Variants in WDR70 observed in about 807,000 individuals in gnomAD.
The protein encoded by WDR70 is WD repeat-containing protein 70.
Under a neutral mutation model 88.6 loss-of-function variants are expected in WDR70, and 53 were observed. The observed-to-expected ratio is 0.60, with a 90% CI of 0.48 to 0.75. The LOEUF (loss-of-function observed/expected upper bound fraction) is 0.75, where lower values mean the gene tolerates loss of function less well. Ranked by LOEUF, WDR70 falls within the 30% of genes least tolerant of loss-of-function variation. WDR70 has a pLI of 0.00. For synonymous variants in WDR70, 280 were observed against 270.0 expected (o/e 1.04, Z -0.36); for missense variants, 610 against 823.2 (o/e 0.74, Z 3.17).
chr5:37,626,573 G>A (rs114007643), intron 10 of WDR70, among the ~76,000 whole-genome samples: 3,530 of 152,172 alleles, frequency 0.023, 55 homozygotes, highest in Non-Finnish European at 0.037. Flanking sequence ...GTAGTTTTCC[G>A]CTTGTTGTCG....
At chr5:37,661,505 T>G (rs983691032) in intron 10 of WDR70, among the ~76,000 whole-genome samples, 1 of 152,196 alleles carries the variant, frequency 6.6e-6, no homozygotes, top group Non-Finnish European at 1.5e-5. Context: ...GGAATTGCAA[T>G]GGAGAAAGAG....
In WDR70 at chr5:37,499,140, G is replaced by A. The variant is rs1375891402; in HGVS notation, c.841-17374G>A. 4.7e-5 allele frequency among the ~76,000 whole-genome samples: 7 copies of A among 149,576 alleles called. No individual in the cohort carries two copies. In the East Asian group the frequency reaches 1.4e-3, roughly 29 times the overall value. ...ATTCTTTTTTTTTTTTTGAGATGAA[G>A]TCTTGCTGTCTCACCCAGGCTGGAG... is the stretch of plus-strand genomic sequence containing the variant. On this transcript the variant is annotated intron_variant, in intron 8 of 17. Transcript: ENST00000265107.
intron 10 of WDR70, among the ~76,000 whole-genome samples, chr5:37,645,045 C>A (rs1195705372): frequency 6.6e-6 from 1 of 151,468 alleles, no homozygotes; most frequent in African/African-American, 2.4e-5. Flanking sequence ...TCTTGCTTTT[C>A]TTGTTCTTTA....
intron 10 of WDR70, among the ~76,000 whole-genome samples, chr5:37,662,130 A>G (rs997769226): frequency 2.6e-5 from 4 of 152,212 alleles, no homozygotes; most frequent in Non-Finnish European, 5.9e-5. Flanking sequence ...TTTCACTGCC[A>G]TAATTTCCTC....
chr5:37,729,069 T>A (rs1748066817), intron 17 of WDR70, among the ~76,000 whole-genome samples: 1 of 152,200 alleles, frequency 6.6e-6, no homozygotes, highest in South Asian at 2.1e-4. Flanking sequence ...CTTTGGCCAA[T>A]AGAAGCTGGA....
Position 37,445,956 on chromosome 5 carries a change from A to C in WDR70, c.686+2584A>C, listed in dbSNP as rs1738461740. Among the ~76,000 whole-genome samples the C allele has an allele frequency of 3.9e-5, 6 of 152,330 alleles. No individual in the cohort carries two copies. The South Asian group carries it at 1.2e-3, about 32-fold the overall frequency. On this transcript the variant is annotated intron_variant, in intron 7 of 17. Transcript: ENST00000265107. ...TCTGGCCAGGCAATCAGGCAGGAGAAAGAAATAAAGGGTATTCAGTTAGAA... is the reference window on the plus strand; with the variant it reads ...TCTGGCCAGGCAATCAGGCAGGAGACAGAAATAAAGGGTATTCAGTTAGAA...
chr5:37,470,944 G>A (rs1739308923), intron 7 of WDR70, among the ~76,000 whole-genome samples: 1 of 151,262 alleles, frequency 6.6e-6, no homozygotes, highest in Admixed American at 6.6e-5. Flanking sequence ...CTGGAGTGCA[G>A]TGGCACAATC....
chr5:37,693,229 G>C (rs943729210), intron 10 of WDR70, among the ~76,000 whole-genome samples: 10 of 152,064 alleles, frequency 6.6e-5, no homozygotes, highest in African/African-American at 2.2e-4. Flanking sequence ...ACAAATAGAA[G>C]AACATTCCAT....
chr5:37,560,916 GTCC>G (rs1561902050), intron 9 of WDR70, among the ~76,000 whole-genome samples: 2 of 148,794 alleles, frequency 1.3e-5, no homozygotes, highest in Non-Finnish European at 3.0e-5. Context: ...GGTTCAAGCT[GTCC>G]TCCTTCTCCA....
intron 10 of WDR70, among the ~76,000 whole-genome samples, chr5:37,658,832 C>T (rs1046397482): frequency 5.3e-5 from 8 of 152,184 alleles, no homozygotes; most frequent in Non-Finnish European, 8.8e-5. Flanking sequence ...AACCATTTGC[C>T]AGTTGTGGTT....
chr5:37,382,563 C>A (rs1561830850), intron 3 of WDR70, among the ~76,000 whole-genome samples: 3 of 151,982 alleles, frequency 2.0e-5, no homozygotes, highest in Non-Finnish European at 4.4e-5. Context: ...AGGTGTACGC[C>A]ACCACGCCCA....
chr5:37,724,918 A>G lies in WDR70; in HGVS notation c.1598-16A>G. 1 of 1,610,652 alleles carries G rather than the reference A, an allele frequency of 6.2e-7. No homozygotes were observed. ...TTATTGTTATAATGAAATTTTTCAA[A>G]TGTGACTTCTTGTAGCTCATGCCTT... On this transcript the variant is annotated splice_polypyrimidine_tract_variant and intron_variant, in intron 15 of 17. Coordinates refer to ENST00000265107, the MANE Select transcript of WDR70 (RefSeq NM_018034.4).
chr5:37,467,153 G>A (rs1739179630), intron 7 of WDR70, among the ~76,000 whole-genome samples: 1 of 150,920 alleles, frequency 6.6e-6, no homozygotes, highest in Non-Finnish European at 1.5e-5. Flanking sequence ...CTTGAACCTG[G>A]GAGGCGGAGG....
rs1581551206 is a variant in WDR70, at chr5:37,752,688, G to T, written c.*115G>T. The T allele has an allele frequency of 1.2e-6, 1 of 810,750 alleles. No homozygotes were observed. The highest frequency in any genetic ancestry group is 3.0e-5 in the Admixed American group (1 of 33,026). 50.2% of individuals were successfully genotyped at this position (810,750 alleles called of 1,614,324 possible). A position where few individuals can be genotyped will look rare whatever the true frequency, so the allele number is the denominator to read the frequency against. On this transcript the variant is annotated 3_prime_UTR_variant, in exon 18 of 18. Coordinates refer to ENST00000265107, the MANE Select transcript of WDR70 (RefSeq NM_018034.4). The stretch of plus-strand genomic sequence containing the variant: ...TTTTTATGAACAGGTTTTGTCCTTT[G>T]CATTATTGAACTGGTCAAAAGTTTG...
chr5:37,519,616 C>T (rs576412061), intron 9 of WDR70, among the ~76,000 whole-genome samples: 87 of 133,622 alleles, frequency 6.5e-4, no homozygotes, highest in African/African-American at 2.3e-3. Flanking sequence ...ACGGCGTGGC[C>T]GGGCGGAGGC....
intron 8 of WDR70, among the ~76,000 whole-genome samples, chr5:37,512,757 C>CT (rs1314301803): frequency 7.3e-4 from 109 of 149,896 alleles, no homozygotes; most frequent in African/African-American, 2.5e-3. Context: ...AATTTTTTTT[C>CT]TTTTTTTTGT....
At chr5:37,492,015 A>G (rs888199307) in intron 8 of WDR70, among the ~76,000 whole-genome samples, 1 of 152,108 alleles carries the variant, frequency 6.6e-6, no homozygotes, top group Non-Finnish European at 1.5e-5. Context: ...GTCATCTTAT[A>G]CTTTCCCTAA....
chr5:37,557,928 GTACTCTTTTGAA>G (rs1742345098), intron 9 of WDR70, among the ~76,000 whole-genome samples: 2 of 136,144 alleles, frequency 1.5e-5, no homozygotes, highest in African/African-American at 2.6e-5. Flanking sequence ...CTTCAAAAGA[GTACTCTTTTGAA>G]TACTCTTCAA....
intron 10 of WDR70, among the ~76,000 whole-genome samples, chr5:37,682,091 C>G (rs1746453095): frequency 1.3e-5 from 2 of 152,026 alleles, no homozygotes; most frequent in South Asian, 4.1e-4. Flanking sequence ...CTATTTATTA[C>G]TGGTTTATTT....
Sources: gnomAD v4.1 joint callset for allele counts (sites outside exome capture counted in the v4.1 genomes callset) on GRCh38, gnomAD v4.1.1 for gene constraint, MANE v1.5 for transcripts, NCBI Gene and HGNC (gene_info 2026-07-23, HGNC 2026-07-21) for gene names.